Variants in LINGO1 observed in about 807,000 individuals in gnomAD.
LINGO1 encodes the protein leucine rich repeat and Ig domain containing 1.
A neutral mutation model predicts 37.3 loss-of-function variants in LINGO1; 11 were observed. The observed-to-expected ratio is 0.29, with a 90% CI of 0.19 to 0.49. The LOEUF (loss-of-function observed/expected upper bound fraction) is 0.49, where lower values mean the gene tolerates loss of function less well. Ranked by LOEUF, LINGO1 falls within the 20% of genes least tolerant of loss-of-function variation. LINGO1 has a pLI of 0.99. For synonymous variants in LINGO1, 387 were observed against 403.0 expected (o/e 0.96, Z 0.48); for missense variants, 585 against 878.2 (o/e 0.67, Z 4.22).
chr15:77,768,406 C>A (rs2076551485), intron 1 of LINGO1, among the ~76,000 whole-genome samples: 1 of 152,220 alleles, frequency 6.6e-6, no homozygotes, highest in South Asian at 2.1e-4. Context: ...TCGAGTGCCT[C>A]CTGCGTCCCA....
At chr15:77,647,818 T>C (rs1415258552) in intron 3 of LINGO1, 1 of 455,996 alleles carries the variant, frequency 2.2e-6, no homozygotes, top group African/African-American at 2.0e-5. Flanking sequence ...TTGTTCCCTT[T>C]ATTTTCTTTT....
At chr15:77,813,251 C>G (rs2077020636) in intron 1 of LINGO1, among the ~76,000 whole-genome samples, 1 of 152,066 alleles carries the variant, frequency 6.6e-6, no homozygotes, top group African/African-American at 2.4e-5. Flanking sequence ...TTTAATGAGG[C>G]ATTTGGGCTA....
upstream of LINGO1, chr15:77,634,394 C>G (rs919224974): frequency 1.5e-4 from 70 of 453,740 alleles, no homozygotes; most frequent in African/African-American, 1.2e-3. Flanking sequence ...CATCCTCAAC[C>G]TAGGCCTAGC....
At chr15:77,810,484 T>G (rs1330002219) in intron 1 of LINGO1, among the ~76,000 whole-genome samples, 11 of 152,202 alleles carry the variant, frequency 7.2e-5, no homozygotes, top group Admixed American at 7.2e-4. Flanking sequence ...CTCCCGGCTC[T>G]GTACCCAGGG....
intron 3 of LINGO1, among the ~76,000 whole-genome samples, chr15:77,661,751 A>T (rs1479877480): frequency 1.3e-5 from 2 of 151,986 alleles, no homozygotes; most frequent in African/African-American, 4.8e-5. Flanking sequence ...TGCCCTTCCC[A>T]GCGGGGCCTG....
At chr15:77,685,685 C>T (rs2075496366) in intron 2 of LINGO1, among the ~76,000 whole-genome samples, 1 of 128,896 alleles carries the variant, frequency 7.8e-6, no homozygotes, top group Admixed American at 7.5e-5. Context: ...TAGTGAGACC[C>T]CGTCTTAAAA....
intron 3 of LINGO1, among the ~76,000 whole-genome samples, chr15:77,671,802 G>A (rs1030076633): frequency 3.3e-5 from 5 of 152,206 alleles, no homozygotes; most frequent in Admixed American, 3.3e-4. Context: ...TGGCAGGGTG[G>A]ACTGGCCCCC....
intron 3 of LINGO1, among the ~76,000 whole-genome samples, chr15:77,673,826 C>A (rs13313467): frequency 0.27 from 41,208 of 151,922 alleles, 6,454 homozygotes; most frequent in African/African-American, 0.43. Context: ...GGCATCTCAC[C>A]ATTTACGTGT....
At chr15:77,619,741 T>TAAAATAAAATAAAATAAAATAAAATA (rs1324687505) in intron 1 of LINGO1, among the ~76,000 whole-genome samples, 1 of 141,946 alleles carries the variant, frequency 7.0e-6, no homozygotes, top group African/African-American at 2.8e-5. Flanking sequence ...TAAAATAAAA[T>TAAAATAAAATAAAATAAAATAAAATA]AAAAAAGAAA....
At chr15:77,731,570 C>A (rs972878673) in intron 2 of LINGO1, among the ~76,000 whole-genome samples, 4 of 152,262 alleles carry the variant, frequency 2.6e-5, no homozygotes, top group South Asian at 2.1e-4. Flanking sequence ...CCCTCTCCTG[C>A]GTGAGAACCA....
intron 1 of LINGO1, among the ~76,000 whole-genome samples, chr15:77,797,943 T>C (rs1287139160): frequency 1.3e-5 from 2 of 152,174 alleles, no homozygotes; most frequent in African/African-American, 4.8e-5. Context: ...CTTCATATAT[T>C]ATGGGCTGCA....
chr15:77,748,784 A>G (rs1415936011), intron 1 of LINGO1, among the ~76,000 whole-genome samples: 1 of 151,970 alleles, frequency 6.6e-6, no homozygotes, highest in Non-Finnish European at 1.5e-5. Context: ...CCTGGCTTCA[A>G]GCAATCCTCC....
chr15:77,669,676 A>G (rs139807124), intron 3 of LINGO1, among the ~76,000 whole-genome samples: 14 of 152,348 alleles, frequency 9.2e-5, no homozygotes, highest in Middle Eastern at 3.4e-3. Flanking sequence ...GTTCCTCTCC[A>G]TCACTGTTCA....
chr15:77,615,930 G>C (rs995285639), intron 1 of LINGO1, 30 bp from the exon 2 acceptor site: 1 of 1,435,178 alleles, frequency 7.0e-7, no homozygotes. Flanking sequence ...CAGGACAGAG[G>C]TGGCGGTTAG....
At chr15:77,809,911 C>T (rs2076989569) in intron 1 of LINGO1, among the ~76,000 whole-genome samples, 2 of 152,164 alleles carry the variant, frequency 1.3e-5, no homozygotes, top group African/African-American at 2.4e-5. Flanking sequence ...GACAGGCTTG[C>T]TGTGGGTCTG....
At chr15:77,664,163 GTGTGTGTGCGCGCGCGCATGCGTT>G (rs1280383701) in intron 3 of LINGO1, among the ~76,000 whole-genome samples, 1 of 140,138 alleles carries the variant, frequency 7.1e-6, no homozygotes, top group Non-Finnish European at 1.6e-5. Flanking sequence ...GTGTGTGTGT[GTGTGTGTGCGCGCGCGCATGCGTT>G]TGCATTCTCA....
At position 77,615,029 on chromosome 15, in the gene LINGO1, T is replaced by C; in HGVS notation, c.878A>G (p.Asn293Ser). 6.2e-7 allele frequency: 1 copy of C among 1,613,570 alleles called. No individual in the cohort carries two copies. Among genetic ancestry groups the C allele is most frequent in the East Asian group, 2.2e-5 (1 of 44,844 alleles). ...VRHLVYLRFL[N>S]LSYNPISTIE... ...GGTGCTGATGGGGTTGTAGGAGAGG[T>C]TGAGGAAGCGGAGATAGACTAGGTG... Residue 293 changes from asparagine (N) to serine (S), a missense_variant, in exon 2 of 2, where the codon AAC becomes AGC. Physicochemically the swap from Asn to Ser is conservative, Grantham distance 46. This residue lies in a region of LINGO1 where 484 missense variants were observed against 735.0 expected (regional missense o/e 0.66). Transcript: ENST00000355300.
intron 1 of LINGO1, among the ~76,000 whole-genome samples, chr15:77,785,731 C>T (rs565899362): frequency 6.6e-6 from 1 of 152,160 alleles, no homozygotes; most frequent in African/African-American, 2.4e-5. Context: ...TCTCTCCCAC[C>T]CCCAGCTTCC....
upstream of LINGO1, among the ~76,000 whole-genome samples, chr15:77,790,534 G>A (rs2076810527): frequency 6.6e-6 from 1 of 152,096 alleles, no homozygotes; most frequent in African/African-American, 2.4e-5. Flanking sequence ...GGTCTTCCAA[G>A]CCCTGCACTG....
Sources: gnomAD v4.1 joint callset for allele counts (sites outside exome capture counted in the v4.1 genomes callset) on GRCh38, gnomAD v4.1.1 for gene constraint, gnomAD v4.1.1 regional missense constraint, MANE v1.5 for transcripts, NCBI Gene and HGNC (gene_info 2026-07-23, HGNC 2026-07-21) for gene names.